ZNF229: variants seen among roughly 807,000 people sequenced by gnomAD.
ZNF229 encodes zinc finger protein 229.
A neutral mutation model predicts 11.8 loss-of-function variants in ZNF229; 10 were observed. The observed-to-expected ratio is 0.85, with a 90% CI of 0.52 to 1.44. ZNF229 has a LOEUF of 1.44. Among genes scored for constraint, ZNF229 ranks in the 40% most tolerant of loss-of-function variants. ZNF229 has a pLI of 0.00. For missense variants in ZNF229, 1,045 were observed against 1,015.1 expected (o/e 1.03, Z -0.40); for synonymous variants, 368 against 374.8 (o/e 0.98, Z 0.21).
rs1971648190 is a variant in ZNF229, at chr19:44,429,071, T to C, written c.1710A>G (p.Lys570=). The stretch of plus-strand genomic sequence containing the variant: ...TCCCACACTCACTGCATTTATAGGG[T>C]TTCTCTCCTGTGTGGACCCTCTGAT... ...HIHQRVHTGE[K]PYKCSECGKG... The change falls in exon 6 of 6, where the codon AAA becomes AAG. Residue 570 remains lysine (K), a synonymous_variant. Coordinates refer to ENST00000614049, the MANE Select transcript of ZNF229 (RefSeq NM_014518.4). 1.9e-6 allele frequency: 3 copies of C among 1,613,120 alleles called. No individual in the cohort carries two copies. The East Asian group carries it at 6.7e-5, about 36-fold the overall frequency.
In ZNF229 at chr19:44,429,765, T is replaced by C; in HGVS notation, c.1016A>G (p.His339Arg). 6.2e-7 allele frequency: 1 copy of C among 1,613,908 alleles called. No homozygotes were observed. The highest frequency in any genetic ancestry group is 8.5e-7 in the Non-Finnish European group (1 of 1,179,984). Residue 339 changes from histidine to arginine, a missense_variant, in exon 6 of 6, where the codon CAC becomes CGC. Physicochemically the swap from His to Arg is conservative, Grantham distance 29. Coordinates refer to ENST00000614049, the MANE Select transcript of ZNF229 (RefSeq NM_014518.4). Reference sequence around the variant, plus strand: ...CATGTCTCCCACAGGGGCTCTGGGGTGGTTACGTATGTGCGTGTTCTGTCT... The same window carrying C: ...CATGTCTCCCACAGGGGCTCTGGGGCGGTTACGTATGTGCGTGTTCTGTCT... ...GVRQNTHIRN[H>R]PRAPVGDMPY...
chr19:44,442,523 C>T (rs372046584), intron 4 of ZNF229, 40 bp downstream of exon 4: 3 of 1,602,406 alleles, frequency 1.9e-6, no homozygotes, highest in Non-Finnish European at 2.6e-6. Flanking sequence ...CTCTCTGATG[C>T]CTAAGGTGGT....
In ZNF229 at chr19:44,428,551, C is replaced by G. The variant is rs141069725; in HGVS notation, c.2230G>C (p.Val744Leu). The change falls in exon 6 of 6, where the codon GTG (valine) becomes CTG (leucine). Residue 744 changes from valine (V) to leucine (L), a missense_variant. Val to Leu is a conservative substitution (Grantham distance 32). Coordinates refer to ENST00000614049, the MANE Select transcript of ZNF229 (RefSeq NM_014518.4). ...HTGEKPYRCH[V>L]CGKGYSQSSH... ...CTCTGACTATAGCCCTTCCCACACA[C>G]GTGGCATCTGTATGGCTTCTCGCCA... 2 of 1,613,752 alleles carry G rather than the reference C, an allele frequency of 1.2e-6. No individual in the cohort carries two copies. Among genetic ancestry groups the G allele is most frequent in the Admixed American group, 1.7e-5 (1 of 59,982 alleles).
chr19:44,445,082 CTT>C (rs1971981113), intron 2 of ZNF229, among the ~76,000 whole-genome samples: 1 of 152,226 alleles, frequency 6.6e-6, no homozygotes, highest in Admixed American at 6.5e-5. Flanking sequence ...CCTAGAGGTA[CTT>C]CTCTCCTTTG....
At chr19:44,441,600 A>G (rs553560922) in intron 4 of ZNF229, among the ~76,000 whole-genome samples, 2 of 152,348 alleles carry the variant, frequency 1.3e-5, no homozygotes, top group South Asian at 4.1e-4. Flanking sequence ...TAGACAAAAG[A>G]ACGAATGAAA....
intron 2 of ZNF229, among the ~76,000 whole-genome samples, chr19:44,443,901 T>C (rs898694947): frequency 2.6e-5 from 4 of 152,134 alleles, no homozygotes; most frequent in African/African-American, 9.7e-5. Context: ...GGGCAAGAAT[T>C]CCTTTTCAAA....
Position 44,427,094 on chromosome 19 carries a change from CACT to C in ZNF229, c.*1206_*1208del, listed in dbSNP as rs1405919527. On this transcript the variant is annotated 3_prime_UTR_variant, in exon 6 of 6. Coordinates refer to ENST00000614049, the MANE Select transcript of ZNF229 (RefSeq NM_014518.4). ...AAAACCATCAGCTCTCATGAGAACT[CACT>C]ATCATGAGAACAGCAAGGGAGAAAT... The C allele has an allele frequency of 6.6e-6, 1 of 152,056 alleles. No homozygotes were observed. The highest frequency in any genetic ancestry group is 2.4e-5 in the African/African-American group (1 of 41,356). 9.4% of individuals were successfully genotyped at this position (152,056 alleles called of 1,614,324 possible).
intron 5 of ZNF229, among the ~76,000 whole-genome samples, chr19:44,431,074 C>T (rs554087776): frequency 6.6e-6 from 1 of 152,254 alleles, no homozygotes; most frequent in South Asian, 2.1e-4. Context: ...GGCCTTCTCC[C>T]TGCACTGTGT....
chr19:44,438,859 C>CT (rs1176709356), intron 4 of ZNF229, among the ~76,000 whole-genome samples: 1 of 152,210 alleles, frequency 6.6e-6, no homozygotes, highest in Non-Finnish European at 1.5e-5. Flanking sequence ...TGCATCTCTT[C>CT]ATCTGTATCC....
rs1168114372 is a variant in ZNF229, at chr19:44,426,767, T to G, written c.*1536A>C. ...TATCTCCCAAGTATCAATTACTACA[T>G]ATTTACTGCCACTTCAAAGGTTATA... On this transcript the variant is annotated 3_prime_UTR_variant, in exon 6 of 6. Transcript: ENST00000614049. 6.6e-6 allele frequency: 1 copy of G among 152,208 alleles called. No homozygotes were observed. The highest frequency in any genetic ancestry group is 1.5e-5 in the Non-Finnish European group (1 of 68,046). 9.4% of individuals were successfully genotyped at this position (152,208 alleles called of 1,614,324 possible). A position where few individuals can be genotyped will look rare whatever the true frequency, so the allele number is the denominator to read the frequency against.
intron 4 of ZNF229, among the ~76,000 whole-genome samples, chr19:44,438,596 G>A (rs1052085245): frequency 2.0e-5 from 3 of 152,132 alleles, no homozygotes; most frequent in Admixed American, 6.5e-5. Flanking sequence ...GCTGGCAGCT[G>A]GCAGGTAGCT....
At position 44,428,745 on chromosome 19, in the gene ZNF229, G is replaced by A. The variant is rs754516445; in HGVS notation, c.2036C>T (p.Thr679Met). The A allele has an allele frequency of 8.7e-6, 14 of 1,613,816 alleles. No individual in the cohort carries two copies. Among genetic ancestry groups the A allele is most frequent in the East Asian group, 2.2e-5 (1 of 44,824 alleles). ...SSLHKHQRVHTGKKPYTCDQC... is the reference protein window; with the variant it reads ...SSLHKHQRVHMGKKPYTCDQC... ...ATCACACGTATAGGGCTTTTTTCCC[G>A]TGTGGACTCGCTGATGTTTGTGAAG... is the stretch of plus-strand genomic sequence containing the variant. The change falls in exon 6 of 6, where the codon ACG (threonine) becomes ATG (methionine). Residue 679 changes from threonine (T) to methionine (M), a missense_variant. Thr to Met is a moderately conservative substitution (Grantham distance 81). Transcript: ENST00000614049.
intron 2 of ZNF229, among the ~76,000 whole-genome samples, chr19:44,446,731 C>T (rs1972009068): frequency 1.3e-5 from 2 of 152,196 alleles, no homozygotes; most frequent in African/African-American, 4.8e-5. Flanking sequence ...GGTAATTGTT[C>T]TCATGGTGCT....
intron 3 of ZNF229, 32 bp downstream of exon 3, chr19:44,442,782 T>TGCCCCCCCCCCCCC: frequency 1.9e-6 from 3 of 1,545,170 alleles, no homozygotes; most frequent in Non-Finnish European, 2.7e-6. Flanking sequence ...GTTTGGATTC[T>TGCCCCCCCCCCCCC]CCCCCCACCC....
intron 4 of ZNF229, 82 bp from the exon 5 acceptor site, chr19:44,432,448 A>C (rs900412845): frequency 1.3e-6 from 2 of 1,563,442 alleles, no homozygotes; most frequent in African/African-American, 2.8e-5. Context: ...AGAAATAAAA[A>C]AATTTAAAAA....
At position 44,428,432 on chromosome 19, in the gene ZNF229, A is replaced by C; in HGVS notation, c.2349T>G (p.Leu783=). 6.2e-7 allele frequency: 1 copy of C among 1,613,714 alleles called. No homozygotes were observed. Among genetic ancestry groups the C allele is most frequent in the Non-Finnish European group, 8.5e-7 (1 of 1,179,902 alleles). Residue 783 remains leucine (L), a synonymous_variant, in exon 6 of 6, where the codon CTT becomes CTG. Transcript: ENST00000614049. ...CGKGFGRNSC[L]HVHQRVHTGE... is the part of the protein sequence containing the mutation. ...CAGTGTGGACTCTCTGATGAACATG[A>C]AGACAGGAGTTGCGGCCAAAGCCCT...
In ZNF229 at chr19:44,430,374, T is replaced by C. The variant is rs1157642193; in HGVS notation, c.407A>G (p.Asp136Gly). Reference protein sequence around the residue: ...LQGKDFQFSEDAAPHQGWEGA... With the variant: ...LQGKDFQFSEGAAPHQGWEGA... ...TTCCCACCCTTGATGGGGAGCAGCATCTTCTGAGAACTGGAAGTCTTTTCC... is the reference window on the plus strand; with the variant it reads ...TTCCCACCCTTGATGGGGAGCAGCACCTTCTGAGAACTGGAAGTCTTTTCC... The change falls in exon 6 of 6, where the codon GAT becomes GGT. Residue 136 changes from aspartate to glycine, a missense_variant. Transcript: ENST00000614049. The C allele has an allele frequency of 1.2e-6, 2 of 1,614,192 alleles. No homozygotes were observed. The highest frequency in any genetic ancestry group is 1.3e-5 in the African/African-American group (1 of 75,016).
Position 44,428,240 on chromosome 19 carries a change from T to C in ZNF229, c.*63A>G, listed in dbSNP as rs1971614649. The C allele has an allele frequency of 6.6e-7, 1 of 1,511,856 alleles. No homozygotes were observed. The highest frequency in any genetic ancestry group is 2.3e-5 in the East Asian group (1 of 44,032). 93.7% of individuals were successfully genotyped at this position (1,511,856 alleles called of 1,614,324 possible). A position where few individuals can be genotyped will look rare whatever the true frequency, so the allele number is the denominator to read the frequency against. On this transcript the variant is annotated 3_prime_UTR_variant, in exon 6 of 6. Coordinates refer to ENST00000614049, the MANE Select transcript of ZNF229 (RefSeq NM_014518.4). ...ACATGTCACTTTCCTATGGTTTTTC[T>C]CCTGTGTTGGCTCTCAGATGGATAG...
Position 44,429,838 on chromosome 19 carries a change from G to C in ZNF229, c.943C>G (p.Pro315Ala). 1 of 1,613,984 alleles carries C rather than the reference G, an allele frequency of 6.2e-7. No individual in the cohort carries two copies. Among genetic ancestry groups the C allele is most frequent in the Non-Finnish European group, 8.5e-7 (1 of 1,179,990 alleles). ...SAHLNRHQRV[P>A]TGEKSVKSLE... Reference sequence around the variant, plus strand: ...CTCTTAACAGATTTCTCTCCTGTGGGAACTCTTTGATGTCTGTTAAGATGG... The same window carrying C: ...CTCTTAACAGATTTCTCTCCTGTGGCAACTCTTTGATGTCTGTTAAGATGG... The change falls in exon 6 of 6, where the codon CCC (proline) becomes GCC (alanine). Residue 315 changes from proline (P) to alanine (A), a missense_variant. Transcript: ENST00000614049.
Sources: gnomAD v4.1 joint callset for allele counts (sites outside exome capture counted in the v4.1 genomes callset) on GRCh38, gnomAD v4.1.1 for gene constraint, MANE v1.5 for transcripts, NCBI Gene and HGNC (gene_info 2026-07-23, HGNC 2026-07-21) for gene names.